The following TMEM132C variants were observed in gnomAD, a reference collection of about 807,000 sequenced individuals.
The protein encoded by TMEM132C is transmembrane protein 132C.
TMEM132C carries 29 observed loss-of-function variants against 61.4 expected under a neutral mutation model. The observed-to-expected ratio is 0.47, with a 90% CI of 0.35 to 0.64. The LOEUF (loss-of-function observed/expected upper bound fraction) is 0.64. Ranked by LOEUF, TMEM132C falls within the 30% of genes least tolerant of loss-of-function variation. TMEM132C has a pLI of 0.00. For synonymous variants in TMEM132C, 656 were observed against 633.1 expected (o/e 1.04, Z -0.54); for missense variants, 1,408 against 1,476.9 (o/e 0.95, Z 0.76).
In TMEM132C at chr12:128,287,675, T is replaced by C. The variant is rs59792158; in HGVS notation, c.85+20188T>C. Among the ~76,000 whole-genome samples, 699 of 152,338 alleles carry C rather than the reference T, an allele frequency of 4.6e-3. 8 individuals are homozygous for C. Among genetic ancestry groups the C allele is most frequent in the African/African-American group, 0.016 (664 of 41,578 alleles). The stretch of plus-strand genomic sequence containing the variant: ...AAGTAAAATGGCATTGCTATGGTAC[T>C]ATTATGTATCTGCCTCCTTTATTCG... On this transcript the variant is annotated intron_variant, in intron 1 of 8. Transcript: ENST00000435159.
At chr12:128,500,056 G>A (rs1310695728) in intron 2 of TMEM132C, among the ~76,000 whole-genome samples, 1 of 152,140 alleles carries the variant, frequency 6.6e-6, no homozygotes, top group Non-Finnish European at 1.5e-5. Context: ...CATATTGCCT[G>A]TCTTTTGGAT....
At chr12:128,324,207 G>C (rs561426618) in intron 1 of TMEM132C, among the ~76,000 whole-genome samples, 2 of 152,112 alleles carry the variant, frequency 1.3e-5, no homozygotes, top group Non-Finnish European at 2.9e-5. Context: ...CAAATAGAGG[G>C]TTGCTTACCA....
chr12:128,294,224 T>A (rs1380542720), intron 1 of TMEM132C: 1 of 154,470 alleles, frequency 6.5e-6, no homozygotes, highest in Admixed American at 6.5e-5. Context: ...TCCAAAGGTG[T>A]CCTAGTAGAA....
At chr12:128,573,186 A>G (rs1027632614) in intron 3 of TMEM132C, among the ~76,000 whole-genome samples, 2 of 152,250 alleles carry the variant, frequency 1.3e-5, no homozygotes, top group African/African-American at 2.4e-5. Flanking sequence ...ACAATAGCAA[A>G]GACTTGGAAC....
intron 4 of TMEM132C, among the ~76,000 whole-genome samples, chr12:128,621,479 C>G (rs908859681): frequency 2.0e-5 from 3 of 152,182 alleles, no homozygotes; most frequent in Admixed American, 6.5e-5. Context: ...CCAAGGGAAG[C>G]AAAGACTAGC....
At chr12:128,491,420 A>G (rs76303487) in intron 2 of TMEM132C, among the ~76,000 whole-genome samples, 11,630 of 152,222 alleles carry the variant, frequency 0.076, 518 homozygotes, top group Middle Eastern at 0.1. Flanking sequence ...ACATCTCAGC[A>G]ATGTCAGTGG....
intron 1 of TMEM132C, among the ~76,000 whole-genome samples, chr12:128,371,841 A>C (rs753612993): frequency 3.9e-5 from 6 of 152,184 alleles, no homozygotes; most frequent in Non-Finnish European, 7.3e-5. Flanking sequence ...AGCCTCCCAA[A>C]GCACCAGGAT....
chr12:128,684,335 C>T (rs540581539), intron 5 of TMEM132C, among the ~76,000 whole-genome samples: 1 of 152,180 alleles, frequency 6.6e-6, no homozygotes, highest in Non-Finnish European at 1.5e-5. Flanking sequence ...TAAAGCAGTG[C>T]AAACTCTAGC....
At chr12:128,297,166 T>C (rs1871439750) in intron 1 of TMEM132C, among the ~76,000 whole-genome samples, 1 of 152,220 alleles carries the variant, frequency 6.6e-6, no homozygotes, top group Non-Finnish European at 1.5e-5. Context: ...ATCTTTTCAG[T>C]TGGTGCTGGC....
intron 1 of TMEM132C, among the ~76,000 whole-genome samples, chr12:128,348,205 A>G (rs76499615): frequency 0.021 from 3,254 of 152,272 alleles, 100 homozygotes; most frequent in African/African-American, 0.067. Flanking sequence ...GCTGTGGTAA[A>G]TGGAATTATT....
chr12:128,523,811 GA>G (rs1555229605), intron 2 of TMEM132C, among the ~76,000 whole-genome samples: 47 of 100,094 alleles, frequency 4.7e-4, no homozygotes, highest in Middle Eastern at 0.01. Flanking sequence ...ACAAGCCCAG[GA>G]AAAAAAAAAA....
chr12:128,699,290 C>T (rs958450111), intron 8 of TMEM132C, among the ~76,000 whole-genome samples: 3 of 152,080 alleles, frequency 2.0e-5, no homozygotes, highest in Non-Finnish European at 4.4e-5. Context: ...GCTCACAGTG[C>T]GGTGGGTGGG....
At chr12:128,579,413 G>T (rs1875248212) in intron 3 of TMEM132C, among the ~76,000 whole-genome samples, 1 of 152,140 alleles carries the variant, frequency 6.6e-6, no homozygotes, top group Non-Finnish European at 1.5e-5. Flanking sequence ...GTGAATATGT[G>T]TTGGGGCAAG....
rs983862740 is a variant in TMEM132C, at chr12:128,630,381, C to T, written c.1305+14046C>T. Among the ~76,000 whole-genome samples, 1 of 152,180 alleles carries T rather than the reference C, an allele frequency of 6.6e-6. No homozygotes were observed. The highest frequency in any genetic ancestry group is 1.5e-5 in the Non-Finnish European group (1 of 68,034). ...GGGCCTGTGTTTATAGTTCACTGCTCGGTGACTCCATGCACATCCAAGATT... is the reference window on the plus strand; with the variant it reads ...GGGCCTGTGTTTATAGTTCACTGCTTGGTGACTCCATGCACATCCAAGATT... On this transcript the variant is annotated intron_variant, in intron 4 of 8. Transcript: ENST00000435159. The surrounding 1 kb of genome is among the most constrained non-coding windows in gnomAD (Gnocchi z 4.3).
In TMEM132C at chr12:128,318,081, G is replaced by A. The variant is rs149601233; in HGVS notation, c.85+50594G>A. Among the ~76,000 whole-genome samples the A allele has an allele frequency of 3.8e-3, 580 of 152,262 alleles. 7 individuals are homozygous for A. Among genetic ancestry groups the A allele is most frequent in the Non-Finnish European group, 5.3e-3 (362 of 68,016 alleles). ...AGGACCTGTTGGATGTCAGGCTGGG[G>A]CTCGGCTTTGAGGACATGGTGGTGA... On this transcript the variant is annotated intron_variant, in intron 1 of 8. Coordinates refer to ENST00000435159, the MANE Select transcript of TMEM132C (RefSeq NM_001136103.3).
chr12:128,543,934 C>G (rs1379740667), intron 2 of TMEM132C, 23 bp from the exon 3 acceptor site: 2 of 1,541,888 alleles, frequency 1.3e-6, no homozygotes, highest in African/African-American at 2.8e-5. Context: ...GTCTCTCTCT[C>G]TCTCCCATCT....
intron 1 of TMEM132C, among the ~76,000 whole-genome samples, chr12:128,291,689 C>T (rs576077438): frequency 2.0e-4 from 31 of 152,292 alleles, no homozygotes; most frequent in Admixed American, 1.6e-3. Context: ...GAGTGCCTGC[C>T]TTTCCTTCCT....
intron 3 of TMEM132C, among the ~76,000 whole-genome samples, chr12:128,551,254 C>T (rs569387878): frequency 9.9e-5 from 15 of 151,114 alleles, no homozygotes; most frequent in Admixed American, 2.6e-4. Flanking sequence ...TCCTCTTAGA[C>T]GGGGAGAGAG....
At chr12:128,506,209 G>A (rs947658994) in intron 2 of TMEM132C, among the ~76,000 whole-genome samples, 3 of 152,224 alleles carry the variant, frequency 2.0e-5, no homozygotes, top group Admixed American at 2.0e-4. Flanking sequence ...TCCAGATGCA[G>A]GAGAAAGCAG....
Sources: allele counts gnomAD v4.1 joint callset (sites outside exome capture counted in the v4.1 genomes callset), GRCh38; gene constraint gnomAD v4.1.1; non-coding constraint Gnocchi (gnomAD v3.1); transcripts MANE v1.5; gene names NCBI Gene and HGNC (gene_info 2026-07-23, HGNC 2026-07-21).